Variants in NTRK2 observed in about 807,000 individuals in gnomAD.
NTRK2 encodes neurotrophic receptor tyrosine kinase 2.
A neutral mutation model predicts 94.5 loss-of-function variants in NTRK2; 13 were observed. The observed-to-expected ratio is 0.14, with a 90% CI of 0.09 to 0.22. The LOEUF (loss-of-function observed/expected upper bound fraction) is 0.22. Among genes scored for constraint, NTRK2 ranks in the 10% least tolerant of loss-of-function variants. The pLI is 1.00. For synonymous variants in NTRK2, 372 were observed against 407.4 expected, an observed-to-expected ratio of 0.91 and a Z score of 1.05; for missense variants, 639 against 1,071.2, an observed-to-expected ratio of 0.60 and a Z score of 5.63.
intron 2 of NTRK2, among the ~76,000 whole-genome samples, chr9:84,700,707 G>C (rs1056831488): frequency 2.0e-5 from 3 of 152,150 alleles, no homozygotes; most frequent in Admixed American, 6.5e-5. Flanking sequence ...TATAGATGCT[G>C]TGTGTTCCTC....
intron 12 of NTRK2, among the ~76,000 whole-genome samples, chr9:84,823,407 A>G (rs2072976901): frequency 6.6e-6 from 1 of 152,236 alleles, no homozygotes; most frequent in African/African-American, 2.4e-5. Context: ...AGTGGTACAG[A>G]GCGATGCATC....
In NTRK2 at chr9:84,867,347, G is replaced by A. The variant is rs1285574585; in HGVS notation, c.1549G>A (p.Val517Ile). The A allele has an allele frequency of 5.0e-6, 8 of 1,613,934 alleles. No homozygotes were observed. In the Admixed American group the frequency reaches 8.3e-5, roughly 17 times the overall value. The change falls in exon 14 of 19, where the codon GTC (valine) becomes ATC (isoleucine). Residue 517 changes from valine to isoleucine, a missense_variant. Physicochemically the swap from Val to Ile is conservative, Grantham distance 29. This residue lies in a region of NTRK2 where 343 missense variants were observed against 571.5 expected (regional missense o/e 0.60). Coordinates refer to ENST00000277120, the MANE Select transcript of NTRK2 (RefSeq NM_006180.6). Reference sequence around the variant, plus strand: ...TTCTTCGGAAGGTGGCCCAGATGCTGTCATTATTGGAATGACCAAGATCCC... The same window carrying A: ...TTCTTCGGAAGGTGGCCCAGATGCTATCATTATTGGAATGACCAAGATCCC... ...PSSSEGGPDAVIIGMTKIPVI... is the reference protein window; with the variant it reads ...PSSSEGGPDAIIIGMTKIPVI...
intron 2 of NTRK2, among the ~76,000 whole-genome samples, chr9:84,674,100 G>A (rs11140727): frequency 0.049 from 7,160 of 146,028 alleles, 545 homozygotes; most frequent in African/African-American, 0.16. Flanking sequence ...AAAAGAAGTC[G>A]TGCATTTTTT....
chr9:84,951,748 A>G (rs897017438), intron 16 of NTRK2, among the ~76,000 whole-genome samples: 8 of 152,208 alleles, frequency 5.3e-5, no homozygotes, highest in African/African-American at 1.2e-4. Flanking sequence ...TTGCCATGCC[A>G]AAAGTCTAGT....
At chr9:84,820,240 G>C (rs1478165573) in intron 12 of NTRK2, among the ~76,000 whole-genome samples, 1 of 144,564 alleles carries the variant, frequency 6.9e-6, no homozygotes, top group Non-Finnish European at 1.5e-5. Flanking sequence ...TGCGATCTCT[G>C]CTCATTGCAA....
chr9:84,889,340 AT>A (rs2076528754), intron 14 of NTRK2, among the ~76,000 whole-genome samples: 1 of 152,106 alleles, frequency 6.6e-6, no homozygotes, highest in African/African-American at 2.4e-5. Context: ...CTTTTAAAAA[AT>A]CTTTCTGTAA....
chr9:84,837,327 G>A (rs986812011), intron 12 of NTRK2, among the ~76,000 whole-genome samples: 1 of 152,102 alleles, frequency 6.6e-6, no homozygotes, highest in Non-Finnish European at 1.5e-5. Flanking sequence ...GGGATCAAGA[G>A]CCCACTTGGA....
chr9:84,746,084 T>C (rs994531777), intron 11 of NTRK2, among the ~76,000 whole-genome samples: 3 of 152,112 alleles, frequency 2.0e-5, no homozygotes, highest in African/African-American at 7.2e-5. Context: ...AACCCAGGGG[T>C]TGGCAAACTA....
chr9:85,011,958 A>ATTATTTTATTTTATTTTATTTTATT (rs57166564), intron 17 of NTRK2, among the ~76,000 whole-genome samples: 8,270 of 131,636 alleles, frequency 0.063, 463 homozygotes, highest in East Asian at 0.15. Flanking sequence ...TATGTAGAGC[A>ATTATTTTATTTTATTTTATTTTATT]TTATTTTATT....
rs149689423 is a variant in NTRK2, at chr9:84,696,442, CTTTG to C, written c.213-5712_213-5709del. Reference sequence around the variant, plus strand: ...CCACCCCCTTCTGTTATTGTCTTTCCTTTGTTTGCTTGTTTTCTGCATGAGAAGT... The same window carrying C: ...CCACCCCCTTCTGTTATTGTCTTTCCTTTGCTTGTTTTCTGCATGAGAAGT... On this transcript the variant is annotated intron_variant, in intron 2 of 18. Transcript: ENST00000277120. Among the ~76,000 whole-genome samples, 818 of 152,196 alleles carry C rather than the reference CTTTG, an allele frequency of 5.4e-3. 9 individuals carry two copies. The highest frequency in any genetic ancestry group is 0.019 in the African/African-American group (782 of 41,524).
At position 84,707,837 on chromosome 9, in the gene NTRK2, C is replaced by T; in HGVS notation, c.360-7C>T. 1 of 1,609,120 alleles carries T rather than the reference C, an allele frequency of 6.2e-7. No homozygotes were observed. The highest frequency in any genetic ancestry group is 1.7e-5 in the Admixed American group (1 of 59,938). On this transcript the variant is annotated splice_polypyrimidine_tract_variant and splice_region_variant and intron_variant, in intron 4 of 18. Coordinates refer to ENST00000277120, the MANE Select transcript of NTRK2 (RefSeq NM_006180.6). ...AATTCATGTTTAATGTTTTTGATTC[C>T]TTTCAGCAATTTTACCCGAAACAAA...
At chr9:84,942,314 C>T (rs974982750) in intron 15 of NTRK2, among the ~76,000 whole-genome samples, 3 of 152,214 alleles carry the variant, frequency 2.0e-5, no homozygotes, top group Admixed American at 6.5e-5. Context: ...TTGATAGACA[C>T]TTCCTCTACC....
chr9:85,020,713 T>G (rs985815903), intron 18 of NTRK2, among the ~76,000 whole-genome samples: 4 of 152,188 alleles, frequency 2.6e-5, no homozygotes, highest in Non-Finnish European at 5.9e-5. Flanking sequence ...GTTTCAAGAT[T>G]CTTTCCTTTT....
chr9:84,770,153 A>AACACACGAACACACAC (rs2066399755), intron 12 of NTRK2, among the ~76,000 whole-genome samples: 1 of 136,956 alleles, frequency 7.3e-6, no homozygotes, highest in Non-Finnish European at 1.6e-5. Flanking sequence ...TGTGCATGAG[A>AACACACGAACACACAC]ACACACACAC....
chr9:84,731,795 C>T (rs779055683), intron 9 of NTRK2, among the ~76,000 whole-genome samples: 3 of 152,080 alleles, frequency 2.0e-5, no homozygotes, highest in Non-Finnish European at 4.4e-5. Context: ...TAAAAGAGAG[C>T]GGCCCAGCAA....
intron 14 of NTRK2, among the ~76,000 whole-genome samples, chr9:84,883,926 A>G (rs1683115198): frequency 6.6e-6 from 1 of 152,248 alleles, no homozygotes; most frequent in African/African-American, 2.4e-5. Context: ...AATAATGTCA[A>G]ATTATCAGAA....
intron 14 of NTRK2, among the ~76,000 whole-genome samples, chr9:84,903,795 A>T (rs1286117774): frequency 1.3e-5 from 2 of 150,690 alleles, no homozygotes; most frequent in East Asian, 2.0e-4. Context: ...GGCCTGGGAA[A>T]CTCTTTTACT....
intron 14 of NTRK2, among the ~76,000 whole-genome samples, chr9:84,880,329 A>G (rs2076217249): frequency 6.6e-6 from 1 of 152,202 alleles, no homozygotes; most frequent in South Asian, 2.1e-4. Context: ...GCTCCTGGGC[A>G]GGGTCACCCT....
At chr9:84,749,215 C>G (rs13285731) in intron 11 of NTRK2, among the ~76,000 whole-genome samples, 2,821 of 151,182 alleles carry the variant, frequency 0.019, 81 homozygotes, top group African/African-American at 0.065. Context: ...GCAACAGGAG[C>G]GAAACTCCGT....
Sources: gnomAD v4.1 joint callset for allele counts (sites outside exome capture counted in the v4.1 genomes callset) on GRCh38, gnomAD v4.1.1 for gene constraint, gnomAD v4.1.1 regional missense constraint, MANE v1.5 for transcripts, NCBI Gene and HGNC (gene_info 2026-07-23, HGNC 2026-07-21) for gene names.